Variants in SPOPL observed in about 807,000 individuals in gnomAD.
SPOPL encodes speckle-type POZ protein-like.
A neutral mutation model predicts 53.8 loss-of-function variants in SPOPL; 23 were observed. That is an observed-to-expected ratio of 0.43 (90% CI 0.31 to 0.61). SPOPL has a LOEUF of 0.61. SPOPL is among the 20% of genes least tolerant of loss of function. SPOPL has a pLI of 0.12. For synonymous variants in SPOPL, 164 were observed against 149.7 expected, an observed-to-expected ratio of 1.10 and a Z score of -0.70; for missense variants, 442 against 466.9, an observed-to-expected ratio of 0.95 and a Z score of 0.49.
chr2:138,511,825 G>A (rs374026643), intron 1 of SPOPL, among the ~76,000 whole-genome samples: 1 of 152,220 alleles, frequency 6.6e-6, no homozygotes, highest in East Asian at 1.9e-4. Flanking sequence ...TTACTCCAGA[G>A]CTCTCCAGGC....
At chr2:138,528,529 G>A (rs868618524) in intron 1 of SPOPL, among the ~76,000 whole-genome samples, 3 of 152,054 alleles carry the variant, frequency 2.0e-5, no homozygotes, top group Non-Finnish European at 4.4e-5. Flanking sequence ...ATTGAGTATC[G>A]TGTTGGGAAA....
chr2:138,535,555 C>CT (rs539254466), intron 1 of SPOPL, among the ~76,000 whole-genome samples: 19,682 of 86,690 alleles, frequency 0.23, 2,605 homozygotes, highest in African/African-American at 0.33. Flanking sequence ...ATTCTAGTAG[C>CT]TTTTTTTTTT....
intron 1 of SPOPL, among the ~76,000 whole-genome samples, chr2:138,524,880 T>G (rs1684635324): frequency 6.6e-6 from 1 of 152,218 alleles, no homozygotes; most frequent in Admixed American, 6.5e-5. Context: ...TTCTGAGCCC[T>G]CCAGACTGTT....
intron 1 of SPOPL, among the ~76,000 whole-genome samples, chr2:138,506,189 CTAAT>C (rs1684212463): frequency 1.3e-5 from 2 of 152,220 alleles, no homozygotes; most frequent in African/African-American, 4.8e-5. Context: ...TACAGGGAGA[CTAAT>C]TAAGTCATTG....
chr2:138,523,132 A>T (rs1684592498), intron 1 of SPOPL, among the ~76,000 whole-genome samples: 1 of 152,228 alleles, frequency 6.6e-6, no homozygotes, highest in Admixed American at 6.5e-5. Flanking sequence ...GGCAGTTTAC[A>T]AAAGAAAGGT....
intron 1 of SPOPL, among the ~76,000 whole-genome samples, chr2:138,529,929 C>T (rs1684770301): frequency 6.6e-6 from 1 of 152,080 alleles, no homozygotes; most frequent in South Asian, 2.1e-4. Context: ...TATTAGTTAG[C>T]CTAGTACCCA....
intron 1 of SPOPL, among the ~76,000 whole-genome samples, chr2:138,546,968 A>T (rs1185448666): frequency 3.3e-5 from 5 of 151,926 alleles, no homozygotes; most frequent in African/African-American, 1.2e-4. Flanking sequence ...TATTTTTTTT[A>T]TTTTATTTTA....
At chr2:138,551,938 C>T (rs757886910) in intron 4 of SPOPL, among the ~76,000 whole-genome samples, 1 of 151,942 alleles carries the variant, frequency 6.6e-6, no homozygotes, top group Non-Finnish European at 1.5e-5. Flanking sequence ...TTACAAATTA[C>T]ACAAAAAGCA....
At chr2:138,508,356 A>T (rs1331040191) in intron 1 of SPOPL, among the ~76,000 whole-genome samples, 3 of 152,160 alleles carry the variant, frequency 2.0e-5, no homozygotes, top group Non-Finnish European at 4.4e-5. Context: ...TTTTTGAGAC[A>T]GAGTCTTGCC....
In SPOPL at chr2:138,559,326, G is replaced by A. The variant is rs1351282237; in HGVS notation, c.703G>A (p.Glu235Lys). Residue 235 changes from glutamate (E) to lysine (K), a missense_variant, in exon 7 of 11, where the codon GAA (glutamate) becomes AAA (lysine). Coordinates refer to ENST00000280098, the MANE Select transcript of SPOPL (RefSeq NM_001001664.3). ...FNAMFEHEME[E>K]SKKNRVEIND... is the part of the protein sequence containing the mutation. ...CGCCATGTTTGAACATGAAATGGAA[G>A]AAAGCAAAAAGGTAAACATGGCTTA... 1.2e-6 allele frequency: 2 copies of A among 1,610,740 alleles called. No homozygotes were observed. The highest frequency in any genetic ancestry group is 1.7e-5 in the Admixed American group (1 of 59,406).
At chr2:138,525,563 A>G (rs566790731) in intron 1 of SPOPL, among the ~76,000 whole-genome samples, 1 of 151,736 alleles carries the variant, frequency 6.6e-6, no homozygotes, top group Non-Finnish European at 1.5e-5. Context: ...CACACCTGTA[A>G]TCCCAGCACT....
intron 1 of SPOPL, among the ~76,000 whole-genome samples, chr2:138,525,160 C>A (rs1021726794): frequency 2.0e-5 from 3 of 152,182 alleles, no homozygotes; most frequent in African/African-American, 7.2e-5. Context: ...GGAAGCCTCA[C>A]AATCATGGCA....
chr2:138,507,297 C>G (rs1317490079), intron 1 of SPOPL, among the ~76,000 whole-genome samples: 2 of 152,160 alleles, frequency 1.3e-5, no homozygotes, highest in Admixed American at 6.5e-5. Context: ...GTATCTAAAA[C>G]TTTTCACAGC....
chr2:138,542,190 G>A (rs1685086696), intron 1 of SPOPL, among the ~76,000 whole-genome samples: 3 of 152,136 alleles, frequency 2.0e-5, no homozygotes, highest in African/African-American at 7.2e-5. Context: ...GTGGTGTGCT[G>A]CTGAAAAAAA....
chr2:138,540,272 A>G (rs1472613719), intron 1 of SPOPL, among the ~76,000 whole-genome samples: 1 of 152,154 alleles, frequency 6.6e-6, no homozygotes, highest in East Asian at 1.9e-4. Context: ...GTTTTTTCCA[A>G]TTCTGTGAAG....
intron 1 of SPOPL, among the ~76,000 whole-genome samples, chr2:138,533,877 A>G (rs767721904): frequency 1.6e-4 from 25 of 152,164 alleles, no homozygotes; most frequent in Admixed American, 2.6e-4. Flanking sequence ...TTAAACCACA[A>G]TTGATTAAGC....
intron 1 of SPOPL, among the ~76,000 whole-genome samples, chr2:138,503,258 A>G (rs1558857842): frequency 6.6e-6 from 1 of 152,202 alleles, no homozygotes; most frequent in African/African-American, 2.4e-5. Context: ...TCTGCCATCT[A>G]CCAGCTTTGG....
chr2:138,502,554 A>G (rs554553715), intron 1 of SPOPL, among the ~76,000 whole-genome samples: 1 of 152,152 alleles, frequency 6.6e-6, no homozygotes, highest in Non-Finnish European at 1.5e-5. Flanking sequence ...ATACCTCCTC[A>G]TCCCAAATAC....
chr2:138,543,095 C>G (rs1028695237), intron 1 of SPOPL, among the ~76,000 whole-genome samples: 62 of 152,112 alleles, frequency 4.1e-4, no homozygotes, highest in Non-Finnish European at 1.8e-4. Flanking sequence ...GAGTTTCTGC[C>G]GAGAGATCAG....
Sources: gnomAD v4.1 joint callset for allele counts (sites outside exome capture counted in the v4.1 genomes callset) on GRCh38, gnomAD v4.1.1 for gene constraint, MANE v1.5 for transcripts, NCBI Gene and HGNC (gene_info 2026-07-23, HGNC 2026-07-21) for gene names.